The following DIAPH2 variants were observed in gnomAD, a reference collection of about 807,000 sequenced individuals.
DIAPH2 encodes the protein protein diaphanous homolog 2.
DIAPH2 carries 35 observed loss-of-function variants against 92.7 expected under a neutral mutation model. That is an observed-to-expected ratio of 0.38 (90% confidence interval 0.29 to 0.50). DIAPH2 has a LOEUF of 0.50. DIAPH2 is among the 20% of genes least tolerant of loss of function. DIAPH2 has a pLI of 0.94. For synonymous variants in DIAPH2, 301 were observed against 280.4 expected (o/e 1.07, Z -0.73); for missense variants, 701 against 819.5 (o/e 0.86, Z 1.77).
At chrX:97,346,242 G>A (rs1013850500) in intron 23 of DIAPH2, among the ~76,000 whole-genome samples, 1 of 111,581 alleles carries the variant, frequency 9.0e-6, no homozygotes, top group Admixed American at 9.5e-5. Context: ...CTGATCTGGG[G>A]CCCCAGGAAA....
intron 26 of DIAPH2, among the ~76,000 whole-genome samples, chrX:97,566,055 ATCT>A (rs1215191107): frequency 1.8e-5 from 2 of 112,303 alleles, no homozygotes; most frequent in Non-Finnish European, 3.8e-5. Context: ...AAATTTCATT[ATCT>A]TAACTGCCTT....
rs372588122 is a variant in DIAPH2 at position 97,436,916 on chromosome X, G to A, written c.3241+7171G>A. ...ATGCCTCTCTCTTTTCCTTTAGTGC[G>A]GCACTCCACCTGTGTACCAAGTAGT... On this transcript the variant is annotated intron_variant, in intron 26 of 26. Coordinates refer to ENST00000324765, the MANE Select transcript of DIAPH2 (RefSeq NM_006729.5). Among the ~76,000 whole-genome samples, 48 of 111,732 alleles carry A rather than the reference G, an allele frequency of 4.3e-4. No homozygotes were observed. In the East Asian group the frequency reaches 0.01, roughly 24 times the overall value.
intron 21 of DIAPH2, among the ~76,000 whole-genome samples, chrX:97,124,971 T>A (rs2067082252): frequency 9.0e-6 from 1 of 111,140 alleles, no homozygotes; most frequent in South Asian, 3.8e-4. Context: ...AAGAGCCAGA[T>A]GAAGCCAAAA....
At chrX:97,496,630 T>C (rs781732761) in intron 26 of DIAPH2, among the ~76,000 whole-genome samples, 1 of 109,518 alleles carries the variant, frequency 9.1e-6, no homozygotes, top group East Asian at 2.9e-4. Flanking sequence ...CATGGGTAAA[T>C]AGTTCTCTGT....
At chrX:96,875,105 A>G (rs958633471) in intron 4 of DIAPH2, among the ~76,000 whole-genome samples, 1 of 112,440 alleles carries the variant, frequency 8.9e-6, no homozygotes, top group African/African-American at 3.2e-5. Flanking sequence ...TCTTCAGGCT[A>G]TTTGTATGAG....
At chrX:97,183,617 TATC>T (rs1422834782) in intron 22 of DIAPH2, among the ~76,000 whole-genome samples, 2 of 112,244 alleles carry the variant, frequency 1.8e-5, no homozygotes, top group African/African-American at 3.2e-5. Flanking sequence ...CAAGAAGCAT[TATC>T]ATTTTGTAGC....
chrX:97,164,858 T>C (rs758478841), intron 22 of DIAPH2, among the ~76,000 whole-genome samples: 158 of 112,669 alleles, frequency 1.4e-3, no homozygotes, highest in African/African-American at 4.9e-3. Flanking sequence ...GTTTGCCGTA[T>C]GGTCCTCTGT....
intron 17 of DIAPH2, among the ~76,000 whole-genome samples, chrX:97,038,414 G>C (rs952969543): frequency 4.5e-5 from 5 of 110,845 alleles, no homozygotes; most frequent in African/African-American, 1.6e-4. Context: ...AGATCTTTTA[G>C]TTCTTTATGA....
chrX:97,355,014 C>A (rs1033838509), intron 24 of DIAPH2, among the ~76,000 whole-genome samples: 1 of 112,197 alleles, frequency 8.9e-6, no homozygotes, highest in Non-Finnish European at 1.9e-5. Context: ...TTCACTCTTA[C>A]GTTAATTCTC....
chrX:97,124,689 C>A (rs770982668), intron 21 of DIAPH2, among the ~76,000 whole-genome samples: 1 of 111,726 alleles, frequency 9.0e-6, no homozygotes, highest in Non-Finnish European at 1.9e-5. Context: ...TACACACACA[C>A]ACACCTCCCT....
At chrX:97,167,788 C>G (rs2067422575) in intron 22 of DIAPH2, among the ~76,000 whole-genome samples, 1 of 111,541 alleles carries the variant, frequency 9.0e-6, no homozygotes, top group Non-Finnish European at 1.9e-5. Flanking sequence ...TTTTGACAAT[C>G]TAGTGGTTTA....
At chrX:96,866,290 C>T (rs907638988) in intron 4 of DIAPH2, among the ~76,000 whole-genome samples, 1 of 111,809 alleles carries the variant, frequency 8.9e-6, no homozygotes, top group East Asian at 2.8e-4. Context: ...AGTGGATCTG[C>T]ATAACAATAT....
At chrX:97,549,249 C>G (rs907386256) in intron 26 of DIAPH2, among the ~76,000 whole-genome samples, 2 of 111,541 alleles carry the variant, frequency 1.8e-5, no homozygotes, top group African/African-American at 3.3e-5. Flanking sequence ...TGAAATTTGC[C>G]TTTCAGATCT....
intron 4 of DIAPH2, among the ~76,000 whole-genome samples, chrX:96,830,112 AT>A (rs1417739328): frequency 9.0e-6 from 1 of 111,487 alleles, no homozygotes; most frequent in Non-Finnish European, 1.9e-5. Flanking sequence ...AATTTACTGT[AT>A]GATAGATGAG....
At chrX:97,473,648 T>C (rs2070581714) in intron 26 of DIAPH2, among the ~76,000 whole-genome samples, 1 of 112,462 alleles carries the variant, frequency 8.9e-6, no homozygotes. Context: ...ATATTTCTTA[T>C]GATTTTAAAT....
chrX:96,899,443 A>G (rs1266615863), intron 5 of DIAPH2, among the ~76,000 whole-genome samples: 20 of 110,797 alleles, frequency 1.8e-4, no homozygotes, highest in Admixed American at 2.9e-4. Context: ...GGTCCTTCAC[A>G]TCCCTTGTAA....
At chrX:97,181,488 C>T (rs779896479) in intron 22 of DIAPH2, among the ~76,000 whole-genome samples, 116 of 111,650 alleles carry the variant, frequency 1.0e-3, no homozygotes, top group African/African-American at 2.8e-3. Flanking sequence ...CTTGGCTCAC[C>T]GCAACCTCCG....
rs1052206246 is a variant in DIAPH2 at position 97,603,509 on chromosome X, C to G, written c.*4192C>G. On this transcript the variant is annotated 3_prime_UTR_variant, in exon 27 of 27. Transcript: ENST00000324765. ...TCCTAGCCTCAAGCAATCCACCCAT[C>G]TTGGCCTCCTAAAGTGCCGGATTAC... The G allele has an allele frequency of 1.8e-5, 2 of 111,741 alleles. No individual in the cohort carries two copies. The highest frequency in any genetic ancestry group is 6.5e-5 in the African/African-American group (2 of 30,685). 9.2% of individuals were successfully genotyped at this position (111,741 alleles called of 1,213,427 possible).
chrX:96,763,905 A>G (rs2064284818), intron 4 of DIAPH2, among the ~76,000 whole-genome samples: 1 of 110,205 alleles, frequency 9.1e-6, no homozygotes, highest in Non-Finnish European at 1.9e-5. Flanking sequence ...GGTATCTAGA[A>G]TAGTGGATTT....
Sources: allele counts gnomAD v4.1 joint callset (sites outside exome capture counted in the v4.1 genomes callset), GRCh38; gene constraint gnomAD v4.1.1; transcripts MANE v1.5; gene names NCBI Gene and HGNC (gene_info 2026-07-23, HGNC 2026-07-21).